The following HCN1 variants were observed in gnomAD, a reference collection of about 807,000 sequenced individuals.
HCN1 encodes potassium/sodium hyperpolarization-activated cyclic nucleotide-gated channel 1.
In HCN1, 13 loss-of-function variants were observed where a neutral mutation model predicts 78.9. That is an observed-to-expected ratio of 0.16 (90% CI 0.11 to 0.26). HCN1 has a LOEUF of 0.26. Ranked by LOEUF, HCN1 falls within the 10% of genes least tolerant of loss-of-function variation. HCN1 has a pLI of 1.00. For missense variants in HCN1, 810 were observed against 1,154.3 expected (o/e 0.70, Z 4.32); for synonymous variants, 552 against 455.5 (o/e 1.21, Z -2.70).
intron 6 of HCN1, among the ~76,000 whole-genome samples, chr5:45,277,496 T>TG (rs1293282262): frequency 6.6e-6 from 1 of 152,074 alleles, no homozygotes; most frequent in Non-Finnish European, 1.5e-5. Flanking sequence ...TGCTAGGCTG[T>TG]GTCTGTCCTA....
At chr5:45,501,641 A>G (rs1484676447) in intron 2 of HCN1, among the ~76,000 whole-genome samples, 1 of 152,028 alleles carries the variant, frequency 6.6e-6, no homozygotes, top group Non-Finnish European at 1.5e-5. Context: ...GCGTTTGACC[A>G]TGTTGGCCAG....
At position 45,262,557 on chromosome 5, in the gene HCN1, G is replaced by C. The variant is rs762879493; in HGVS notation, c.2037C>G (p.His679Gln). The C allele has an allele frequency of 6.2e-7, 1 of 1,613,904 alleles. No individual in the cohort carries two copies. Among genetic ancestry groups the C allele is most frequent in the African/African-American group, 1.3e-5 (1 of 74,892 alleles). ...GGGTCTGTGTGCTGGGACTGGGGGAGTGCAGGTTGCTGTGAGACAGGCTGG... is the reference window on the plus strand; with the variant it reads ...GGGTCTGTGTGCTGGGACTGGGGGACTGCAGGTTGCTGTGAGACAGGCTGG... ...TATSLSHSNLHSPSPSTQTPQ... is the reference protein window; with the variant it reads ...TATSLSHSNLQSPSPSTQTPQ... Residue 679 changes from histidine (H) to glutamine (Q), a missense_variant, in exon 8 of 8, where the codon CAC becomes CAG. His to Gln is a conservative substitution (Grantham distance 24, BLOSUM62 0). Around this residue, in one of 6 missense-constraint regions of HCN1, gnomAD observed 398 missense variants for 381.3 expected, o/e 1.04. Coordinates refer to ENST00000303230, the MANE Select transcript of HCN1 (RefSeq NM_021072.4).
chr5:45,675,266 C>G (rs1296150276), intron 1 of HCN1, among the ~76,000 whole-genome samples: 2 of 151,746 alleles, frequency 1.3e-5, no homozygotes, highest in Admixed American at 1.3e-4. Flanking sequence ...ATATCCTAGG[C>G]CAGCCAAGTC....
chr5:45,303,448 A>G (rs1387399524), intron 6 of HCN1, 151 bp downstream of exon 6: 2 of 743,916 alleles, frequency 2.7e-6, no homozygotes, highest in East Asian at 5.4e-5. Context: ...ACTCTGAAAT[A>G]TGAAAACACT....
chr5:45,691,141 CTT>C (rs1286554662), intron 1 of HCN1, among the ~76,000 whole-genome samples: 1 of 151,988 alleles, frequency 6.6e-6, no homozygotes. Flanking sequence ...ATATAATTTT[CTT>C]AAATGAACCT....
chr5:45,262,869 A>T, intron 7 of HCN1, 59 bp from the exon 8 acceptor site: 1 of 1,579,078 alleles, frequency 6.3e-7, no homozygotes, highest in South Asian at 1.1e-5. Context: ...TGACAACGCC[A>T]AGTGAGAGTG....
At chr5:45,627,467 C>A (rs1196348345) in intron 2 of HCN1, among the ~76,000 whole-genome samples, 3 of 152,136 alleles carry the variant, frequency 2.0e-5, no homozygotes, top group Non-Finnish European at 4.4e-5. Context: ...GGACGAGGTG[C>A]AACCATGGTG....
intron 3 of HCN1, among the ~76,000 whole-genome samples, chr5:45,409,068 T>G (rs1386041327): frequency 6.6e-6 from 1 of 152,138 alleles, no homozygotes; most frequent in Non-Finnish European, 1.5e-5. Context: ...CTAGATAATT[T>G]GCATATATTT....
At chr5:45,446,469 T>C (rs1472241140) in intron 3 of HCN1, among the ~76,000 whole-genome samples, 1 of 152,120 alleles carries the variant, frequency 6.6e-6, no homozygotes, top group Non-Finnish European at 1.5e-5. Context: ...CTCTGCAGGA[T>C]ATTATCCAGG....
intron 6 of HCN1, among the ~76,000 whole-genome samples, chr5:45,291,398 C>CCTAT (rs1192698648): frequency 6.6e-6 from 1 of 151,970 alleles, no homozygotes; most frequent in Non-Finnish European, 1.5e-5. Flanking sequence ...AATCTTTCAA[C>CCTAT]CTATCTCTCT....
chr5:45,696,142 G>T lies in HCN1; in HGVS notation c.-49C>A. The T allele has an allele frequency of 8.1e-7, 1 of 1,227,174 alleles. No individual in the cohort carries two copies. Among genetic ancestry groups the T allele is most frequent in the East Asian group, 4.5e-5 (1 of 22,084 alleles). The allele number at this position is 1,227,174 out of a possible 1,614,324, so 76.0% of individuals were successfully genotyped here. A position where few individuals can be genotyped will look rare whatever the true frequency, so the allele number is the denominator to read the frequency against. ...GGCGCGGGCTCCAGACTCGCCGGCC[G>T]CCCGGCGCCGGAGACACGTAGCCGA... On this transcript the variant is annotated 5_prime_UTR_variant, in exon 1 of 8. Coordinates refer to ENST00000303230, the MANE Select transcript of HCN1 (RefSeq NM_021072.4).
At chr5:45,318,875 T>A (rs907846551) in intron 5 of HCN1, among the ~76,000 whole-genome samples, 3 of 152,022 alleles carry the variant, frequency 2.0e-5, no homozygotes, top group African/African-American at 2.4e-5. Context: ...CCAGAGGTTC[T>A]AGCTATTCTG....
intron 1 of HCN1, among the ~76,000 whole-genome samples, chr5:45,647,883 C>T (rs1378169949): frequency 6.6e-6 from 1 of 152,306 alleles, no homozygotes; most frequent in South Asian, 2.1e-4. Flanking sequence ...AGTTCTCACA[C>T]CTAAATGTAT....
chr5:45,499,360 C>A (rs1225186295), intron 2 of HCN1, among the ~76,000 whole-genome samples: 3 of 152,112 alleles, frequency 2.0e-5, no homozygotes, highest in Non-Finnish European at 4.4e-5. Flanking sequence ...TCCAGGTGCC[C>A]TCTGTCACCC....
At chr5:45,501,597 C>T (rs568897687) in intron 2 of HCN1, among the ~76,000 whole-genome samples, 11 of 152,112 alleles carry the variant, frequency 7.2e-5, no homozygotes, top group South Asian at 4.1e-4. Context: ...CCCGCCACCA[C>T]GCCCGGTTAA....
At chr5:45,517,144 T>C (rs1483434102) in intron 2 of HCN1, among the ~76,000 whole-genome samples, 1 of 152,038 alleles carries the variant, frequency 6.6e-6, no homozygotes, top group African/African-American at 2.4e-5. Flanking sequence ...GTATAAGTTG[T>C]GTGACTTTAA....
intron 4 of HCN1, among the ~76,000 whole-genome samples, chr5:45,372,472 A>C (rs1441506592): frequency 3.2e-5 from 4 of 126,612 alleles, no homozygotes; most frequent in African/African-American, 1.2e-4. Flanking sequence ...TTACATATAA[A>C]AATATATAAA....
intron 3 of HCN1, among the ~76,000 whole-genome samples, chr5:45,454,463 T>TAAG (rs1235249760): frequency 3.3e-5 from 5 of 151,004 alleles, no homozygotes; most frequent in East Asian, 1.9e-4. Flanking sequence ...GCAAATTAGT[T>TAAG]ACCCTTTGTT....
chr5:45,653,254 T>G lies in HCN1; in HGVS notation c.426-7646A>C, dbSNP rs560301870. 1.1e-4 allele frequency among the ~76,000 whole-genome samples: 17 copies of G among 152,192 alleles called. No individual in the cohort carries two copies. In the East Asian group the frequency reaches 3.3e-3, roughly 29 times the overall value. ...CAACAGTCAAATAAATTCCAGTTCC[T>G]TCACAGAACTCCCTTTCACCTGATC... On this transcript the variant is annotated intron_variant, in intron 1 of 7. Coordinates refer to ENST00000303230, the MANE Select transcript of HCN1 (RefSeq NM_021072.4).
Sources: allele counts gnomAD v4.1 joint callset (sites outside exome capture counted in the v4.1 genomes callset), GRCh38; gene constraint gnomAD v4.1.1; regional missense constraint gnomAD v4.1.1; transcripts MANE v1.5; gene names NCBI Gene and HGNC (gene_info 2026-07-23, HGNC 2026-07-21).